Variants in MAP4 observed in about 807,000 individuals in gnomAD.
MAP4 encodes microtubule-associated protein 4.
A neutral mutation model predicts 170.2 loss-of-function variants in MAP4; 76 were observed. The ratio of observed to expected loss-of-function variants is 0.45; its 90% confidence interval spans 0.37 to 0.54. MAP4 has a LOEUF of 0.54. MAP4 is among the 20% of genes least tolerant of loss of function. The pLI, the probability that MAP4 is intolerant of heterozygous loss-of-function variation, is 0.00. For synonymous variants in MAP4, 909 were observed against 994.5 expected, an observed-to-expected ratio of 0.91 and a Z score of 1.62; for missense variants, 2,506 against 2,748.0, an observed-to-expected ratio of 0.91 and a Z score of 1.97.
chr3:48,054,173 CTG>C (rs774847011), intron 1 of MAP4, among the ~76,000 whole-genome samples: 1 of 151,880 alleles, frequency 6.6e-6, no homozygotes, highest in Non-Finnish European at 1.5e-5. Context: ...TGGCACGCAC[CTG>C]TAGTCTCAGC....
intron 19 of MAP4, 77 bp from the exon 20 acceptor site, chr3:47,853,429 C>T: frequency 9.7e-7 from 1 of 1,027,928 alleles, no homozygotes; most frequent in Non-Finnish European, 1.4e-6. Context: ...TGGTGGGTTT[C>T]ACACACAGCC....
intron 13 of MAP4, among the ~76,000 whole-genome samples, chr3:47,871,602 A>G (rs1014613007): frequency 1.3e-5 from 2 of 152,230 alleles, no homozygotes; most frequent in Non-Finnish European, 2.9e-5. Context: ...ATGTAAGCCC[A>G]TGAGCACCAC....
intron 2 of MAP4, among the ~76,000 whole-genome samples, chr3:47,981,459 T>TA: frequency 6.6e-6 from 1 of 151,782 alleles, no homozygotes; most frequent in Admixed American, 6.6e-5. Flanking sequence ...TATCTCGTAA[T>TA]AAAAAATAAT....
intron 9 of MAP4, among the ~76,000 whole-genome samples, chr3:47,905,692 C>T (rs34380889): frequency 2.2e-4 from 13 of 59,896 alleles, no homozygotes; most frequent in African/African-American, 1.2e-3. Flanking sequence ...GAAGAAGTCA[C>T]TAAAAAAAAA....
At position 48,064,026 on chromosome 3, in the gene MAP4, T is replaced by G. The variant is rs544875037; in HGVS notation, c.-20+24747A>C. On this transcript the variant is annotated intron_variant, in intron 1 of 18. Coordinates refer to the MAP4 transcript ENST00000360240. ...CCTCCCAGCTGTCCTTGTTCATTCCTAGACTTAGCCCAAACTAACTTTGTT... is the reference window on the plus strand; with the variant it reads ...CCTCCCAGCTGTCCTTGTTCATTCCGAGACTTAGCCCAAACTAACTTTGTT... Among the ~76,000 whole-genome samples the G allele has an allele frequency of 4.6e-5, 7 of 152,314 alleles. No individual in the cohort carries two copies. In the South Asian group the frequency reaches 1.2e-3, roughly 27 times the overall value.
At chr3:47,957,771 T>G (rs748054261) in intron 3 of MAP4, among the ~76,000 whole-genome samples, 7 of 152,168 alleles carry the variant, frequency 4.6e-5, no homozygotes, top group Admixed American at 6.5e-5. Context: ...AAGTTACAGT[T>G]TCAGGGAGAC....
intron 3 of MAP4, among the ~76,000 whole-genome samples, chr3:47,935,899 A>G (rs1034927874): frequency 6.7e-6 from 1 of 150,042 alleles, no homozygotes; most frequent in African/African-American, 2.5e-5. Context: ...AGATCACACA[A>G]CTGCACTCCA....
At chr3:47,873,722 A>G (rs2094294689) in intron 12 of MAP4, among the ~76,000 whole-genome samples, 1 of 152,230 alleles carries the variant, frequency 6.6e-6, no homozygotes, top group African/African-American at 2.4e-5. Context: ...ACTAAACCAG[A>G]TGCTCTCTGG....
chr3:47,930,376 C>T (rs1162961813), intron 3 of MAP4, among the ~76,000 whole-genome samples: 3 of 149,734 alleles, frequency 2.0e-5, no homozygotes, highest in African/African-American at 4.9e-5. Flanking sequence ...ACCCGGGAAG[C>T]GGAGCTTGCA....
intron 3 of MAP4, among the ~76,000 whole-genome samples, chr3:47,953,514 C>T (rs899383655): frequency 6.6e-6 from 1 of 151,806 alleles, no homozygotes; most frequent in South Asian, 2.1e-4. Context: ...CGAGTGAGAG[C>T]CTGTCTCTAA....
At chr3:48,046,742 G>A (rs1559850520) in intron 1 of MAP4, among the ~76,000 whole-genome samples, 2 of 152,138 alleles carry the variant, frequency 1.3e-5, no homozygotes, top group Admixed American at 6.6e-5. Context: ...TTCCTCTGTT[G>A]AGCTAGGTAA....
At chr3:48,006,403 C>A (rs1559780090) in intron 1 of MAP4, among the ~76,000 whole-genome samples, 1 of 152,144 alleles carries the variant, frequency 6.6e-6, no homozygotes, top group East Asian at 1.9e-4. Flanking sequence ...TCCAGTTAAA[C>A]TAGGGGCTCA....
intron 9 of MAP4, among the ~76,000 whole-genome samples, chr3:47,908,803 C>T (rs1418201478): frequency 1.3e-5 from 2 of 152,128 alleles, no homozygotes; most frequent in Non-Finnish European, 1.5e-5. Context: ...TAAAATTCAA[C>T]GTTCAGTGCT....
intron 1 of MAP4, among the ~76,000 whole-genome samples, chr3:48,053,024 A>C (rs2100128737): frequency 6.6e-6 from 1 of 152,232 alleles, no homozygotes; most frequent in African/African-American, 2.4e-5. Context: ...AACAGAAACT[A>C]AAACAACTCC....
intron 1 of MAP4, among the ~76,000 whole-genome samples, chr3:48,045,048 G>C (rs553251838): frequency 1.3e-4 from 19 of 151,928 alleles, no homozygotes; most frequent in African/African-American, 4.6e-4. Flanking sequence ...CCTGAGGTCA[G>C]GAGTTCAAGA....
intron 3 of MAP4, among the ~76,000 whole-genome samples, chr3:47,970,322 C>T (rs2100077841): frequency 6.6e-6 from 1 of 151,600 alleles, no homozygotes; most frequent in African/African-American, 2.4e-5. Context: ...CCCGTCTCTA[C>T]TAAAAATACA....
chr3:47,901,369 T>A (rs1434634430), intron 10 of MAP4, among the ~76,000 whole-genome samples: 3 of 152,258 alleles, frequency 2.0e-5, no homozygotes, highest in Admixed American at 1.3e-4. Flanking sequence ...AACTAAATAC[T>A]AAAAAGTACA....
chr3:47,983,008 C>T (rs1269650414), intron 2 of MAP4, among the ~76,000 whole-genome samples: 1 of 151,804 alleles, frequency 6.6e-6, no homozygotes, highest in East Asian at 1.9e-4. Context: ...AGCAATTCTC[C>T]TGTCTCAACA....
Position 47,916,575 on chromosome 3 carries a change from C to A in MAP4, c.1252G>T (p.Val418Leu). Residue 418 changes from valine (V) to leucine (L), a missense_variant, in exon 7 of 21, where the codon GTG (valine) becomes TTG (leucine). Coordinates refer to ENST00000683076, the MANE Select transcript of MAP4 (RefSeq NM_001385682.1). ...KDLVLLSEIEVAQANDIISST... is the reference protein window; with the variant it reads ...KDLVLLSEIELAQANDIISST... ...GATATAATGTCATTAGCCTGTGCCA[C>A]CTCTATTTCTGAGAGTAATACCAAA... is the stretch of plus-strand genomic sequence containing the variant. 2 of 1,614,142 alleles carry A rather than the reference C, an allele frequency of 1.2e-6. No homozygotes were observed. Among genetic ancestry groups the A allele is most frequent in the Non-Finnish European group, 1.7e-6 (2 of 1,179,974 alleles).
Sources: gnomAD v4.1 joint callset for allele counts (sites outside exome capture counted in the v4.1 genomes callset) on GRCh38, gnomAD v4.1.1 for gene constraint, MANE v1.5 for transcripts, NCBI Gene and HGNC (gene_info 2026-07-23, HGNC 2026-07-21) for gene names.